REEP1: variants seen among roughly 807,000 people sequenced by gnomAD.
The protein encoded by REEP1 is receptor expression-enhancing protein 1.
A neutral mutation model predicts 40.3 loss-of-function variants in REEP1; 22 were observed. The ratio of observed to expected loss-of-function variants is 0.55; its 90% CI spans 0.39 to 0.78. The LOEUF is 0.78. Among genes scored for constraint, REEP1 ranks in the 30% least tolerant of loss-of-function variants. REEP1 has a pLI of 0.00. For missense variants in REEP1, 280 were observed against 361.1 expected, an observed-to-expected ratio of 0.78 and a Z score of 1.82; for synonymous variants, 116 against 139.2, an observed-to-expected ratio of 0.83 and a Z score of 1.17.
intron 1 of REEP1, among the ~76,000 whole-genome samples, chr2:86,290,592 C>A (rs1678642174): frequency 6.6e-6 from 1 of 152,186 alleles, no homozygotes; most frequent in African/African-American, 2.4e-5. Context: ...GTCAGAAGGT[C>A]CATGTGTGGC....
rs546202828 is a variant in REEP1, at chr2:86,277,555, CA to C, written c.105+4614del. ...TGGGTGATAGAGCGAGACTCTGTAT[CA>C]AAAAAAAAAAAAAAAAGTCAATGGG... On this transcript the variant is annotated intron_variant, in intron 2 of 8. Coordinates refer to ENST00000538924, the MANE Select transcript of REEP1 (RefSeq NM_001371279.1). Among the ~76,000 whole-genome samples the C allele has an allele frequency of 4.1e-3, 482 of 118,122 alleles. 2 individuals are homozygous for C. Among genetic ancestry groups the C allele is most frequent in the South Asian group, 0.015 (53 of 3,630 alleles). The allele number at this position is 118,122 out of a possible 152,430, so 77.5% of individuals were successfully genotyped here.
At chr2:86,315,779 C>A (rs1679971139) in intron 1 of REEP1, among the ~76,000 whole-genome samples, 1 of 152,200 alleles carries the variant, frequency 6.6e-6, no homozygotes, top group Non-Finnish European at 1.5e-5. Context: ...TGTGCTTGGA[C>A]AACTGATCTT....
At chr2:86,254,334 AG>A (rs1321061519) in intron 4 of REEP1, among the ~76,000 whole-genome samples, 1 of 152,172 alleles carries the variant, frequency 6.6e-6, no homozygotes, top group African/African-American at 2.4e-5. Context: ...CCTGGCTTCC[AG>A]GTAAGATTTA....
intron 1 of REEP1, among the ~76,000 whole-genome samples, chr2:86,316,783 C>T (rs1397240526): frequency 2.0e-5 from 3 of 151,020 alleles, no homozygotes. Context: ...CACTTGAACC[C>T]AGGAGGCAGA....
chr2:86,230,382 A>G (rs116281104), intron 6 of REEP1, among the ~76,000 whole-genome samples: 1,534 of 152,348 alleles, frequency 0.01, 23 homozygotes, highest in African/African-American at 0.035. Flanking sequence ...GCCTCAGCCC[A>G]GTGCACAACC....
intron 5 of REEP1, among the ~76,000 whole-genome samples, chr2:86,245,039 G>A (rs1395498800): frequency 4.6e-5 from 7 of 152,170 alleles, no homozygotes; most frequent in African/African-American, 9.7e-5. Flanking sequence ...CCAGCTACTC[G>A]GGAGGCTGAG....
In REEP1 at chr2:86,216,947, A is replaced by G; in HGVS notation, c.*92T>C. The G allele has an allele frequency of 2.8e-6, 3 of 1,054,320 alleles. No individual in the cohort carries two copies. The highest frequency in any genetic ancestry group is 1.5e-6 in the Non-Finnish European group (1 of 684,942). 65.3% of individuals were successfully genotyped at this position (1,054,320 alleles called of 1,614,324 possible). On this transcript the variant is annotated 3_prime_UTR_variant, in exon 9 of 9. Coordinates refer to ENST00000538924, the MANE Select transcript of REEP1 (RefSeq NM_001371279.1). Reference sequence around the variant, plus strand: ...TTGTGAGGCTGCACACTCAAAGCACACCCAGCTTGCGGATTTCTATGTTAT... The same window carrying G: ...TTGTGAGGCTGCACACTCAAAGCACGCCCAGCTTGCGGATTTCTATGTTAT...
At chr2:86,332,709 G>A (rs1488483812) in intron 1 of REEP1, among the ~76,000 whole-genome samples, 2 of 152,226 alleles carry the variant, frequency 1.3e-5, no homozygotes, top group Non-Finnish European at 2.9e-5. Flanking sequence ...AGAAGTGCAT[G>A]AAAGCTACTT....
At chr2:86,332,027 A>G (rs1383539211) in intron 1 of REEP1, among the ~76,000 whole-genome samples, 1 of 152,112 alleles carries the variant, frequency 6.6e-6, no homozygotes, top group Non-Finnish European at 1.5e-5. Flanking sequence ...TGTGTGCCCA[A>G]TAGTTGGTCC....
chr2:86,266,755 C>T (rs929512593), intron 2 of REEP1, among the ~76,000 whole-genome samples: 1 of 151,492 alleles, frequency 6.6e-6, no homozygotes, highest in Non-Finnish European at 1.5e-5. Flanking sequence ...CGCCTGTAAT[C>T]CCAGCACTTT....
chr2:86,292,945 C>T (rs916482388), intron 1 of REEP1, among the ~76,000 whole-genome samples: 1 of 152,194 alleles, frequency 6.6e-6, no homozygotes, highest in Non-Finnish European at 1.5e-5. Context: ...GCCATGGGAA[C>T]AGGACAAACC....
chr2:86,245,202 T>C (rs1426771187), intron 5 of REEP1, among the ~76,000 whole-genome samples: 2 of 152,116 alleles, frequency 1.3e-5, no homozygotes, highest in Non-Finnish European at 2.9e-5. Context: ...AGGTATACTG[T>C]TGGGAAAAGG....
At chr2:86,261,455 T>C (rs568810661) in intron 3 of REEP1, among the ~76,000 whole-genome samples, 129 of 152,332 alleles carry the variant, frequency 8.5e-4, no homozygotes, top group Middle Eastern at 3.4e-3. Context: ...CTCTGAAACA[T>C]GTGCTGTGTC....
intron 3 of REEP1, among the ~76,000 whole-genome samples, chr2:86,256,344 T>A (rs1676562182): frequency 1.1e-5 from 1 of 87,226 alleles, no homozygotes; most frequent in African/African-American, 7.6e-5. Flanking sequence ...CAAGATTCCA[T>A]CTCAAAAAAA....
intron 1 of REEP1, among the ~76,000 whole-genome samples, chr2:86,301,991 A>T (rs1044064003): frequency 3.3e-5 from 5 of 151,912 alleles, no homozygotes; most frequent in Non-Finnish European, 7.4e-5. Context: ...CTTCATCCAC[A>T]CTCCCTTTTC....
At chr2:86,323,444 G>T (rs768345463) in intron 1 of REEP1, among the ~76,000 whole-genome samples, 1 of 152,164 alleles carries the variant, frequency 6.6e-6, no homozygotes, top group Non-Finnish European at 1.5e-5. Context: ...CACAGCAGGA[G>T]GTGAGCAGCA....
intron 5 of REEP1, among the ~76,000 whole-genome samples, chr2:86,242,057 G>T (rs1434760984): frequency 6.6e-6 from 1 of 152,102 alleles, no homozygotes; most frequent in Non-Finnish European, 1.5e-5. Context: ...CAACAGTGAG[G>T]AAAGAGAAGA....
intron 1 of REEP1, among the ~76,000 whole-genome samples, chr2:86,303,540 A>AG (rs940386425): frequency 4.6e-5 from 7 of 151,008 alleles, no homozygotes; most frequent in Admixed American, 1.3e-4. Context: ...TAAAAAAAAA[A>AG]ATTGTATAGA....
intron 8 of REEP1, among the ~76,000 whole-genome samples, chr2:86,217,913 A>G (rs1674214304): frequency 6.6e-6 from 1 of 152,120 alleles, no homozygotes; most frequent in Non-Finnish European, 1.5e-5. Flanking sequence ...TCACAGGAGG[A>G]GTTCCTATTT....
Sources: allele counts gnomAD v4.1 joint callset (sites outside exome capture counted in the v4.1 genomes callset), GRCh38; gene constraint gnomAD v4.1.1; transcripts MANE v1.5; gene names NCBI Gene and HGNC (gene_info 2026-07-23, HGNC 2026-07-21).